The following ELF2 variants were observed in gnomAD, a reference collection of about 807,000 sequenced individuals.
ELF2 encodes the protein ETS-related transcription factor Elf-2.
Under a neutral mutation model 54.8 loss-of-function variants are expected in ELF2, and 11 were observed. The observed-to-expected ratio is 0.20, with a 90% CI of 0.13 to 0.33. ELF2 has a LOEUF of 0.33. ELF2 is among the 10% of genes least tolerant of loss of function. ELF2 has a pLI of 1.00. For synonymous variants in ELF2, 203 were observed against 245.1 expected, an observed-to-expected ratio of 0.83 and a Z score of 1.61; for missense variants, 513 against 703.0, an observed-to-expected ratio of 0.73 and a Z score of 3.06.
At chr4:139,073,817 C>T (rs898443684) in intron 4 of ELF2, 2 of 201,732 alleles carry the variant, frequency 9.9e-6, no homozygotes, top group Non-Finnish European at 2.0e-5. Context: ...ATGAAGTAAC[C>T]AATGACATTG....
At chr4:139,081,583 T>C (rs1458483520) in intron 4 of ELF2, among the ~76,000 whole-genome samples, 3 of 152,338 alleles carry the variant, frequency 2.0e-5, no homozygotes, top group African/African-American at 7.2e-5. Context: ...GTAAAATCTT[T>C]GTGAGGAAGA....
At position 139,125,177 on chromosome 4, in the gene ELF2, C is replaced by T. The variant is rs1338846019; in HGVS notation, c.225G>A (p.Glu75=). 1.2e-6 allele frequency: 2 copies of T among 1,608,194 alleles called. No individual in the cohort carries two copies. The highest frequency in any genetic ancestry group is 1.7e-6 in the Non-Finnish European group (2 of 1,178,582). The change falls in exon 4 of 10, where the codon GAG becomes GAA. Residue 75 remains glutamate (E), a synonymous_variant. Coordinates refer to ENST00000686138, the MANE Select transcript of ELF2 (RefSeq NM_001331036.3). ...TGAGATGTCTACCTGTTTCCACATT[C>T]TCGGTCTCAACTTCTTGTTCTTCTG... ...DVAEEQEVET[E]NVETVEASVH...
intron 4 of ELF2, chr4:139,084,438 G>GGGCAGGGGCGGC (rs1553957925): frequency 1.1e-4 from 118 of 1,118,254 alleles, no homozygotes; most frequent in Middle Eastern, 3.7e-4. Context: ...GCAGGGGCAG[G>GGGCAGGGGCGGC]GGCGGCGGCG....
At chr4:139,172,880 A>G in intron 1 of ELF2, among the ~76,000 whole-genome samples, 1 of 3,806 alleles carries the variant, frequency 2.6e-4, no homozygotes, top group Non-Finnish European at 6.1e-4. Flanking sequence ...CCACACAGAT[A>G]ACGGGGGGGG....
chr4:139,096,520 G>C (rs1324424439), intron 4 of ELF2, among the ~76,000 whole-genome samples: 1 of 151,900 alleles, frequency 6.6e-6, no homozygotes, highest in Non-Finnish European at 1.5e-5. Context: ...CTAGTGTAGT[G>C]GTGTGATCTC....
chr4:139,114,559 TCTCACACA>T (rs1473507842), intron 4 of ELF2, among the ~76,000 whole-genome samples: 1 of 27,570 alleles, frequency 3.6e-5, no homozygotes, highest in African/African-American at 1.1e-4. Context: ...GAGACTTCAG[TCTCACACA>T]CACACACACA....
intron 7 of ELF2, among the ~76,000 whole-genome samples, chr4:139,063,236 C>T (rs766502035): frequency 1.8e-4 from 28 of 151,956 alleles, no homozygotes; most frequent in South Asian, 4.2e-4. Flanking sequence ...CCAGCCTGGG[C>T]GACAGAGTGA....
intron 4 of ELF2, among the ~76,000 whole-genome samples, chr4:139,104,508 C>CAAAAAAA (rs34642901): frequency 2.6e-5 from 2 of 76,810 alleles, no homozygotes; most frequent in Admixed American, 1.4e-4. Context: ...GACTCTGTCT[C>CAAAAAAA]AAAAAAAAAA....
At chr4:139,157,531 A>C (rs1740672908) in intron 1 of ELF2, among the ~76,000 whole-genome samples, 1 of 152,090 alleles carries the variant, frequency 6.6e-6, no homozygotes, top group Admixed American at 6.6e-5. Context: ...GCTCCTGAGT[A>C]GCTAGGACTA....
chr4:139,096,499 C>G (rs1287606930), intron 4 of ELF2, among the ~76,000 whole-genome samples: 1 of 152,074 alleles, frequency 6.6e-6, no homozygotes, highest in African/African-American at 2.4e-5. Flanking sequence ...GGCTCTCACT[C>G]TGCCTAGGCT....
At chr4:139,177,443 C>A (rs1743091504), upstream of ELF2, among the ~76,000 whole-genome samples, 1 of 151,902 alleles carries the variant, frequency 6.6e-6, no homozygotes, top group Admixed American at 6.5e-5. Context: ...CCCCGCGGGG[C>A]CCCGCCGCCC....
chr4:139,093,628 C>T (rs62320533), intron 4 of ELF2, among the ~76,000 whole-genome samples: 34,726 of 152,042 alleles, frequency 0.23, 5,069 homozygotes, highest in East Asian at 0.61. Context: ...TCTGAAAATC[C>T]ATCAACTGAC....
At chr4:139,163,140 A>G (rs1347571978) in intron 1 of ELF2, among the ~76,000 whole-genome samples, 1 of 152,126 alleles carries the variant, frequency 6.6e-6, no homozygotes, top group African/African-American at 2.4e-5. Context: ...GATAGTTCAA[A>G]ATTTCTTGCT....
chr4:139,077,546 C>T (rs1453102189), intron 4 of ELF2, among the ~76,000 whole-genome samples: 1 of 152,134 alleles, frequency 6.6e-6, no homozygotes, highest in African/African-American at 2.4e-5. Context: ...GTTTCCAAAA[C>T]TTAACACATT....
At chr4:139,147,778 ATTTTT>A (rs767408414) in intron 1 of ELF2, among the ~76,000 whole-genome samples, 11 of 120,156 alleles carry the variant, frequency 9.2e-5, no homozygotes, top group South Asian at 2.6e-4. Flanking sequence ...CCAGCCAGAG[ATTTTT>A]TTTTTTTTTT....
At position 139,125,417 on chromosome 4, in the gene ELF2, G is replaced by A. The variant is rs1578866166; in HGVS notation, c.73-88C>T. On this transcript the variant is annotated intron_variant, in intron 3 of 9. Transcript: ENST00000686138. ...AATCCTTGAACTAATACAGTCTCGA[G>A]CAGTCCACATAATGAGTTTCAAATA... 4 of 1,472,318 alleles carry A rather than the reference G, an allele frequency of 2.7e-6. No individual in the cohort carries two copies. In the South Asian group the frequency reaches 3.9e-5, roughly 14 times the overall value. The allele number at this position is 1,472,318 out of a possible 1,614,324, so 91.2% of individuals were successfully genotyped here.
intron 3 of ELF2, among the ~76,000 whole-genome samples, chr4:139,135,932 AG>A (rs1191900720): frequency 6.6e-6 from 1 of 152,214 alleles, no homozygotes; most frequent in Non-Finnish European, 1.5e-5. Flanking sequence ...GAAAAATATA[AG>A]GAGTATTCCA....
At chr4:139,104,984 C>A (rs780290186) in intron 4 of ELF2, among the ~76,000 whole-genome samples, 1 of 152,124 alleles carries the variant, frequency 6.6e-6, no homozygotes, top group Non-Finnish European at 1.5e-5. Flanking sequence ...TTCTTTGAGG[C>A]TAGAAAGCAT....
chr4:139,103,766 A>G (rs961337204), intron 4 of ELF2, among the ~76,000 whole-genome samples: 3 of 152,252 alleles, frequency 2.0e-5, no homozygotes, highest in African/African-American at 7.2e-5. Context: ...CTGACTGACT[A>G]GTTTATTGGT....
Sources: allele counts gnomAD v4.1 joint callset (sites outside exome capture counted in the v4.1 genomes callset), GRCh38; gene constraint gnomAD v4.1.1; transcripts MANE v1.5; gene names NCBI Gene and HGNC (gene_info 2026-07-23, HGNC 2026-07-21).